ULBP2: variants seen among roughly 807,000 people sequenced by gnomAD.
ULBP2 encodes the protein UL16-binding protein 2.
In ULBP2, 21 loss-of-function variants were observed where a neutral mutation model predicts 23.6. The observed-to-expected ratio is 0.89, with a 90% CI of 0.63 to 1.28. The LOEUF is 1.28. ULBP2 is among the 50% of genes most tolerant of loss of function. The pLI is 0.00. For missense variants in ULBP2, 251 were observed against 306.0 expected, an observed-to-expected ratio of 0.82 and a Z score of 1.34; for synonymous variants, 82 against 112.8, an observed-to-expected ratio of 0.73 and a Z score of 1.73.
chr6:149,943,187 C>T (rs1328261978), intron 1 of ULBP2, among the ~76,000 whole-genome samples: 1 of 152,054 alleles, frequency 6.6e-6, no homozygotes, highest in Non-Finnish European at 1.5e-5. Context: ...CAGATTTGGA[C>T]CCTGTCCTAG....
Position 149,946,386 on chromosome 6 carries a change from C to T in ULBP2, c.364C>T (p.Gln122Ter), listed in dbSNP as rs767533066. 2.9e-5 allele frequency: 47 copies of T among 1,613,270 alleles called. No individual in the cohort carries two copies. Among genetic ancestry groups the T allele is most frequent in the Non-Finnish European group, 3.8e-5 (45 of 1,179,472 alleles). The stretch of plus-strand genomic sequence containing the variant: ...GATGGGGGCAGAACCCCTCACCCTG[C>T]AGGCAAGGATGTCTTGTGAGCAGAA... ...NYTPKEPLTL[Q>*]ARMSCEQKAE... The change falls in exon 3 of 5, where the codon CAG becomes TAG. Residue 122 changes from glutamine to a stop codon, truncating the protein, a stop_gained. Coordinates refer to ENST00000367351, the MANE Select transcript of ULBP2 (RefSeq NM_025217.4). LOFTEE classifies it high-confidence loss of function.
chr6:149,946,819 C>T (rs1778950442), intron 3 of ULBP2, 166 bp downstream of exon 3: 1 of 1,183,454 alleles, frequency 8.4e-7, no homozygotes, highest in Non-Finnish European at 1.2e-6. Flanking sequence ...TGTGCTCTCC[C>T]ACCGTCCTCT....
Position 149,946,577 on chromosome 6 carries a change from C to T in ULBP2, c.555C>T (p.Phe185=), listed in dbSNP as rs149893111. The T allele has an allele frequency of 4.6e-5, 75 of 1,614,048 alleles. No individual in the cohort carries two copies. The highest frequency in any genetic ancestry group is 6.4e-5 in the Non-Finnish European group (75 of 1,180,046). ...TTGTGGCCATGTCCTTCCATTACTT[C>T]TCAATGGGAGACTGTATAGGATGGC... ...DKVVAMSFHY[F]SMGDCIGWLE... is the part of the protein sequence containing the mutation. Residue 185 remains phenylalanine, a synonymous_variant, in exon 3 of 5, where the codon TTC becomes TTT. Coordinates refer to ENST00000367351, the MANE Select transcript of ULBP2 (RefSeq NM_025217.4).
intron 1 of ULBP2, among the ~76,000 whole-genome samples, chr6:149,942,439 T>G (rs1402949583): frequency 6.6e-6 from 1 of 152,022 alleles, no homozygotes; most frequent in Non-Finnish European, 1.5e-5. Context: ...GGATCCCTGG[T>G]GCAGCCTGGC....
At chr6:149,945,627 G>A in intron 2 of ULBP2, 55 bp downstream of exon 2, 3 of 1,613,314 alleles carry the variant, frequency 1.9e-6, no homozygotes, top group East Asian at 2.2e-5. Flanking sequence ...TAGGTTAGAG[G>A]CATTTATAGT....
At chr6:149,946,744 A>G in intron 3 of ULBP2, 91 bp downstream of exon 3, 1 of 1,571,420 alleles carries the variant, frequency 6.4e-7, no homozygotes. Flanking sequence ...CAATCATCCC[A>G]GTATACACAT....
intron 3 of ULBP2, 83 bp downstream of exon 3, chr6:149,946,736 A>G (rs373277057): frequency 4.4e-6 from 7 of 1,586,046 alleles, no homozygotes; most frequent in African/African-American, 4.0e-5. Flanking sequence ...TTCAGCTTCA[A>G]TCATCCCAGT....
At chr6:149,946,038 C>T (rs933448620) in intron 2 of ULBP2, among the ~76,000 whole-genome samples, 6 of 150,676 alleles carry the variant, frequency 4.0e-5, no homozygotes, top group African/African-American at 7.3e-5. Flanking sequence ...GTTAAGAGAT[C>T]GAGACCATCC....
intron 1 of ULBP2, 91 bp downstream of exon 1, chr6:149,942,248 A>G: frequency 7.2e-7 from 1 of 1,383,598 alleles, no homozygotes; most frequent in Non-Finnish European, 9.8e-7. Flanking sequence ...AGGCTTCTAG[A>G]AGGACGGGGG....
intron 1 of ULBP2, among the ~76,000 whole-genome samples, chr6:149,943,298 T>TAGA (rs1778891125): frequency 2.0e-5 from 3 of 152,156 alleles, no homozygotes; most frequent in African/African-American, 7.2e-5. Flanking sequence ...AGTTGGAGAG[T>TAGA]AGAAGGTGGT....
At chr6:149,948,510 C>G (rs564967332) in intron 4 of ULBP2, among the ~76,000 whole-genome samples, 1 of 152,150 alleles carries the variant, frequency 6.6e-6, no homozygotes, top group Non-Finnish European at 1.5e-5. Context: ...CACTCCATCC[C>G]CTGGTCAGGT....
intron 1 of ULBP2, 58 bp from the exon 2 acceptor site, chr6:149,945,251 G>C (rs1186834155): frequency 1.4e-5 from 22 of 1,587,494 alleles, no homozygotes; most frequent in Non-Finnish European, 1.8e-5. Flanking sequence ...CAGCGTGGAG[G>C]GGGGCTAACT....
intron 1 of ULBP2, among the ~76,000 whole-genome samples, chr6:149,942,572 G>C (rs1778879665): frequency 6.6e-6 from 1 of 152,092 alleles, no homozygotes; most frequent in Non-Finnish European, 1.5e-5. Context: ...CCACAGGCCT[G>C]CTCTGCTCTC....
In ULBP2 at chr6:149,942,030, C is replaced by T. The variant is rs1369896502; in HGVS notation, c.-43C>T. 3 of 1,592,462 alleles carry T rather than the reference C, an allele frequency of 1.9e-6. No individual in the cohort carries two copies. The highest frequency in any genetic ancestry group is 1.3e-5 in the African/African-American group (1 of 74,430). On this transcript the variant is annotated 5_prime_UTR_variant, in exon 1 of 5. Coordinates refer to ENST00000367351, the MANE Select transcript of ULBP2 (RefSeq NM_025217.4). ...CTTGAGGTGATTCATCTTCCAGGCT[C>T]TCCTTCCATCAAGTCTCTCATCCCT... is the stretch of plus-strand genomic sequence containing the variant.
Position 149,948,787 on chromosome 6 carries a change from C to G in ULBP2, c.*87C>G, listed in dbSNP as rs1778981075. On this transcript the variant is annotated 3_prime_UTR_variant, in exon 5 of 5. Transcript: ENST00000367351. ...TGATCAAACTCGCCCTTCTGTCTGGCCAGCTGCCCACGACCTACGGTGTAT... is the reference window on the plus strand; with the variant it reads ...TGATCAAACTCGCCCTTCTGTCTGGGCAGCTGCCCACGACCTACGGTGTAT... The G allele has an allele frequency of 8.8e-6, 4 of 456,606 alleles. No individual in the cohort carries two copies. The Admixed American group carries it at 9.4e-5, about 11-fold the overall frequency. 28.3% of individuals were successfully genotyped at this position (456,606 alleles called of 1,614,324 possible).
In ULBP2 at chr6:149,945,504, T is replaced by G. The variant is rs143300988; in HGVS notation, c.281T>G (p.Leu94Arg). 4 of 1,614,036 alleles carry G rather than the reference T, an allele frequency of 2.5e-6. No individual in the cohort carries two copies. The Admixed American group carries it at 5.0e-5, about 20-fold the overall frequency. ...TTAWKAQNPV[L>R]REVVDILTEQ... ...GCCTGGAAAGCACAGAACCCAGTACTGAGAGAGGTGGTGGACATACTTACA... is the reference window on the plus strand; with the variant it reads ...GCCTGGAAAGCACAGAACCCAGTACGGAGAGAGGTGGTGGACATACTTACA... Residue 94 changes from leucine (L) to arginine (R), a missense_variant, in exon 2 of 5, where the codon CTG (leucine) becomes CGG (arginine). Physicochemically the swap from Leu to Arg is moderately radical, Grantham distance 102 (BLOSUM62 -2). Around this residue, in one of 2 missense-constraint regions of ULBP2, gnomAD observed 248 missense variants for 258.9 expected, o/e 0.96. Transcript: ENST00000367351.
rs566199069 is a variant in ULBP2 at position 149,946,469 on chromosome 6, C to T, written c.447C>T (p.Leu149=). 1 of 1,613,852 alleles carries T rather than the reference C, an allele frequency of 6.2e-7. No homozygotes were observed. Among genetic ancestry groups the T allele is most frequent in the African/African-American group, 1.3e-5 (1 of 74,788 alleles). ...TCAGTTTCGATGGGCAGATCTTCCT[C>T]CTCTTTGACTCAGAGAAGAGAATGT... The part of the protein sequence containing the change: ...WQFSFDGQIF[L]LFDSEKRMWT... The change falls in exon 3 of 5, where the codon CTC becomes CTT. Residue 149 remains leucine, a synonymous_variant. Transcript: ENST00000367351.
intron 1 of ULBP2, 40 bp downstream of exon 1, chr6:149,942,197 G>C (rs17079087): frequency 1.9e-5 from 31 of 1,596,322 alleles, no homozygotes; most frequent in Non-Finnish European, 2.5e-5. Flanking sequence ...CGGGGACCAA[G>C]CCTGGAGGGC....
chr6:149,946,519 G>A lies in ULBP2; in HGVS notation c.497G>A (p.Arg166Lys), dbSNP rs778644459. ...TGGACAACGGTTCATCCTGGAGCCA[G>A]AAAGATGAAAGAAAAGTGGGAGAAT... ...RMWTTVHPGA[R>K]KMKEKWENDK... The change falls in exon 3 of 5, where the codon AGA (arginine) becomes AAA (lysine). Residue 166 changes from arginine (R) to lysine (K), a missense_variant. Transcript: ENST00000367351. 1 of 1,614,178 alleles carries A rather than the reference G, an allele frequency of 6.2e-7. No homozygotes were observed. Among genetic ancestry groups the A allele is most frequent in the South Asian group, 1.1e-5 (1 of 91,090 alleles).
Sources: gnomAD v4.1 joint callset for allele counts (sites outside exome capture counted in the v4.1 genomes callset) on GRCh38, gnomAD v4.1.1 for gene constraint, gnomAD v4.1.1 regional missense constraint, MANE v1.5 for transcripts, NCBI Gene and HGNC (gene_info 2026-07-23, HGNC 2026-07-21) for gene names.